The following HS3ST4 variants were observed in gnomAD, a reference collection of about 807,000 sequenced individuals.
HS3ST4 encodes heparan sulfate-glucosamine 3-sulfotransferase 4.
Under a neutral mutation model 29.2 loss-of-function variants are expected in HS3ST4, and 17 were observed. The observed-to-expected ratio is 0.58, with a 90% CI of 0.40 to 0.87. The LOEUF (loss-of-function observed/expected upper bound fraction) is 0.87, where lower values mean the gene tolerates loss of function less well. Ranked by LOEUF, HS3ST4 falls within the 40% of genes least tolerant of loss-of-function variation. The probability of loss-of-function intolerance (pLI) is 0.00; values close to 1 mark genes in which losing one functional copy is unlikely to be tolerated. For synonymous variants in HS3ST4, 314 were observed against 285.7 expected, an observed-to-expected ratio of 1.10 and a Z score of -1.00; for missense variants, 627 against 634.5, an observed-to-expected ratio of 0.99 and a Z score of 0.13.
At chr16:25,801,113 C>A (rs1362264379) in intron 1 of HS3ST4, among the ~76,000 whole-genome samples, 1 of 151,984 alleles carries the variant, frequency 6.6e-6, no homozygotes, top group African/African-American at 2.4e-5. Context: ...CTGACAAGCT[C>A]CCAGGTAATG....
At chr16:26,083,538 T>C (rs1040154673) in intron 1 of HS3ST4, among the ~76,000 whole-genome samples, 1 of 152,096 alleles carries the variant, frequency 6.6e-6, no homozygotes, top group African/African-American at 2.4e-5. Context: ...GACCATGAGG[T>C]CTTTGTCACA....
rs139863104 is a variant in HS3ST4 at position 26,073,710 on chromosome 16, C to T, written c.735-61902C>T. On this transcript the variant is annotated intron_variant, in intron 1 of 1. Transcript: ENST00000331351. ...ATCTAAATACCTTTAAAGCATCACA[C>T]GCACTGTAGGTATCATTACATTTGT... Among the ~76,000 whole-genome samples, 410 of 152,260 alleles carry T rather than the reference C, an allele frequency of 2.7e-3. 5 individuals are homozygous for T. Among genetic ancestry groups the T allele is most frequent in the African/African-American group, 9.5e-3 (396 of 41,552 alleles).
At chr16:26,046,081 A>T (rs1423885986) in intron 1 of HS3ST4, among the ~76,000 whole-genome samples, 1 of 151,332 alleles carries the variant, frequency 6.6e-6, no homozygotes, top group East Asian at 1.9e-4. Context: ...TATGATTTCT[A>T]TAGCCTTCTT....
chr16:25,856,070 C>T (rs907529085), intron 1 of HS3ST4, among the ~76,000 whole-genome samples: 1 of 152,032 alleles, frequency 6.6e-6, no homozygotes, highest in African/African-American at 2.4e-5. Flanking sequence ...AATTCCCCAC[C>T]AGAGCCACAA....
intron 1 of HS3ST4, among the ~76,000 whole-genome samples, chr16:25,998,467 A>G (rs890382134): frequency 6.6e-6 from 1 of 152,182 alleles, no homozygotes; most frequent in Non-Finnish European, 1.5e-5. Context: ...AATAGCTGTT[A>G]TCACAGGTGT....
At chr16:26,049,973 T>C (rs746680924) in intron 1 of HS3ST4, among the ~76,000 whole-genome samples, 1 of 152,162 alleles carries the variant, frequency 6.6e-6, no homozygotes, top group African/African-American at 2.4e-5. Flanking sequence ...AGCCTCCCCC[T>C]GTCCAGCTGT....
At chr16:25,894,981 A>G (rs1968045340) in intron 1 of HS3ST4, among the ~76,000 whole-genome samples, 1 of 152,338 alleles carries the variant, frequency 6.6e-6, no homozygotes, top group Admixed American at 6.5e-5. Context: ...AGATGAGCGA[A>G]TAAAAATCCT....
rs372939882 is a variant in HS3ST4 at position 25,866,295 on chromosome 16, T to A, written c.734+173144T>A. 4.7e-4 allele frequency among the ~76,000 whole-genome samples: 72 copies of A among 152,296 alleles called. 1 individual carries two copies. In the South Asian group the frequency reaches 0.013, roughly 28 times the overall value. On this transcript the variant is annotated intron_variant, in intron 1 of 1. Transcript: ENST00000331351. ...CTTGTACTTCTAAGTAATGTACAGA[T>A]CTGATTGAAGGATTAGAGACAGATC...
chr16:26,063,764 G>GCATGTTAAA (rs1898509134), intron 1 of HS3ST4, among the ~76,000 whole-genome samples: 1 of 152,148 alleles, frequency 6.6e-6, no homozygotes. Flanking sequence ...GAGTTGGCAA[G>GCATGTTAAA]CATGTTAAAG....
intron 1 of HS3ST4, among the ~76,000 whole-genome samples, chr16:25,713,041 G>A (rs1450897826): frequency 6.6e-6 from 1 of 151,390 alleles, no homozygotes; most frequent in East Asian, 1.9e-4. Context: ...TCATTTAAAT[G>A]TTTTTTTTAA....
chr16:26,074,854 G>T (rs987920451), intron 1 of HS3ST4, among the ~76,000 whole-genome samples: 1 of 152,016 alleles, frequency 6.6e-6, no homozygotes, highest in African/African-American at 2.4e-5. Flanking sequence ...TTTTCACTTT[G>T]GGGGGTGCCT....
At chr16:25,884,723 G>C (rs1418515882) in intron 1 of HS3ST4, among the ~76,000 whole-genome samples, 2 of 152,102 alleles carry the variant, frequency 1.3e-5, no homozygotes, top group Non-Finnish European at 2.9e-5. Context: ...GCACCAACAA[G>C]CCTGGCTAAT....
rs1224332126 is a variant in HS3ST4 at position 25,692,642 on chromosome 16, CCCGCCGAGCCCG to C, written c.231_242del (p.Ser78_Pro81del). On this transcript the variant is annotated inframe_deletion, in exon 1 of 2. Transcript: ENST00000331351. ...AGTCGCCGGGCGCCGCCGCCGAGCC[CCCGCCGAGCCCG>C]CCGCCACCCTCTCTGCTGCCTACCC... 1.5e-6 allele frequency: 2 copies of C among 1,360,576 alleles called. No homozygotes were observed. Among genetic ancestry groups the C allele is most frequent in the Non-Finnish European group, 1.9e-6 (2 of 1,047,400 alleles). The allele number at this position is 1,360,576 out of a possible 1,614,324, so 84.3% of individuals were successfully genotyped here.
At chr16:26,088,420 G>T (rs557237107) in intron 1 of HS3ST4, among the ~76,000 whole-genome samples, 1 of 152,286 alleles carries the variant, frequency 6.6e-6, no homozygotes, top group East Asian at 1.9e-4. Context: ...GGCTGCTGTG[G>T]TTTTTTGTGT....
intron 1 of HS3ST4, among the ~76,000 whole-genome samples, chr16:26,117,900 T>C (rs1268280265): frequency 2.6e-5 from 4 of 152,220 alleles, no homozygotes; most frequent in Non-Finnish European, 5.9e-5. Flanking sequence ...TGGTGCTTGA[T>C]TCCAAGTGGG....
chr16:25,889,795 C>T (rs1372826401), intron 1 of HS3ST4, among the ~76,000 whole-genome samples: 5 of 152,086 alleles, frequency 3.3e-5, no homozygotes, highest in Admixed American at 3.3e-4. Context: ...ATGGGAGGGG[C>T]TCGGTAGGAG....
intron 1 of HS3ST4, among the ~76,000 whole-genome samples, chr16:26,056,782 CATG>C: frequency 6.6e-6 from 1 of 152,158 alleles, no homozygotes; most frequent in East Asian, 1.9e-4. Context: ...AAAAATTTTT[CATG>C]ATAATGCAGA....
intron 1 of HS3ST4, among the ~76,000 whole-genome samples, chr16:25,917,645 A>G (rs1968305947): frequency 6.6e-6 from 1 of 152,188 alleles, no homozygotes; most frequent in African/African-American, 2.4e-5. Context: ...AGCCTTTCAG[A>G]TGAATTTGAG....
At chr16:25,863,895 A>T (rs1352431626) in intron 1 of HS3ST4, among the ~76,000 whole-genome samples, 1 of 152,250 alleles carries the variant, frequency 6.6e-6, no homozygotes, top group Non-Finnish European at 1.5e-5. Context: ...AACAAAAGAA[A>T]TTAATGTTCT....
Sources: gnomAD v4.1 joint callset for allele counts (sites outside exome capture counted in the v4.1 genomes callset) on GRCh38, gnomAD v4.1.1 for gene constraint, MANE v1.5 for transcripts, NCBI Gene and HGNC (gene_info 2026-07-23, HGNC 2026-07-21) for gene names.